The following PARD3B variants were observed in gnomAD, a reference collection of about 807,000 sequenced individuals.
The protein encoded by PARD3B is par-3 family cell polarity regulator beta, also known as partitioning defective 3 homolog B.
PARD3B carries 103 observed loss-of-function variants against 130.2 expected under a neutral mutation model. That is an observed-to-expected ratio of 0.79 (90% CI 0.67 to 0.93). PARD3B has a LOEUF of 0.93. Among genes scored for constraint, PARD3B ranks in the 40% least tolerant of loss-of-function variants. The pLI is 0.00. For synonymous variants in PARD3B, 583 were observed against 553.2 expected (o/e 1.05, Z -0.76); for missense variants, 1,609 against 1,499.2 (o/e 1.07, Z -1.21).
chr2:205,549,379 G>T (rs1054054962), intron 21 of PARD3B, among the ~76,000 whole-genome samples: 1 of 152,108 alleles, frequency 6.6e-6, no homozygotes, highest in African/African-American at 2.4e-5. Flanking sequence ...AAATTTGGAG[G>T]CAACTAAGAT....
chr2:205,515,559 G>A (rs901936648), intron 21 of PARD3B, among the ~76,000 whole-genome samples: 4 of 138,766 alleles, frequency 2.9e-5, no homozygotes, highest in East Asian at 2.3e-4. Context: ...AGATGGTATC[G>A]CGATATTGAG....
chr2:205,502,708 C>G (rs145007072), intron 21 of PARD3B, among the ~76,000 whole-genome samples: 3 of 151,964 alleles, frequency 2.0e-5, no homozygotes, highest in African/African-American at 7.3e-5. Context: ...TCAAAATAGG[C>G]TAGCAAGAAT....
At chr2:204,843,451 G>A (rs904502051) in intron 2 of PARD3B, among the ~76,000 whole-genome samples, 6 of 151,710 alleles carry the variant, frequency 4.0e-5, no homozygotes, top group African/African-American at 1.5e-4. Flanking sequence ...GTACAGTGGC[G>A]TGATCTTGGT....
At chr2:204,965,347 C>G in intron 3 of PARD3B, 24 bp downstream of exon 3, 1 of 1,603,510 alleles carries the variant, frequency 6.2e-7, no homozygotes, top group Non-Finnish European at 8.5e-7. Context: ...TTATGATATT[C>G]TTTTCACCTG....
At chr2:205,285,704 A>G (rs1022271581) in intron 16 of PARD3B, among the ~76,000 whole-genome samples, 2 of 152,012 alleles carry the variant, frequency 1.3e-5, no homozygotes, top group East Asian at 3.9e-4. Context: ...CTCATATTCC[A>G]AGGATCTATT....
At chr2:205,548,789 A>G (rs368531080) in intron 21 of PARD3B, among the ~76,000 whole-genome samples, 17 of 152,166 alleles carry the variant, frequency 1.1e-4, no homozygotes, top group African/African-American at 3.9e-4. Context: ...TTAAAATTAA[A>G]AAATGTTGCT....
chr2:205,151,272 T>G (rs1215050203), intron 10 of PARD3B, among the ~76,000 whole-genome samples: 1 of 152,180 alleles, frequency 6.6e-6, no homozygotes, highest in Admixed American at 6.5e-5. Context: ...TAGATGTCTA[T>G]TAGGTCTGTT....
intron 3 of PARD3B, among the ~76,000 whole-genome samples, chr2:204,984,642 G>T (rs185457891): frequency 6.6e-6 from 1 of 152,048 alleles, no homozygotes; most frequent in African/African-American, 2.4e-5. Context: ...GAAATGGAGC[G>T]GCCCTGGAAT....
At chr2:205,369,799 T>C (rs1355426873) in intron 18 of PARD3B, among the ~76,000 whole-genome samples, 2 of 152,190 alleles carry the variant, frequency 1.3e-5, no homozygotes, top group Non-Finnish European at 2.9e-5. Context: ...CATTCTTACT[T>C]CCTGTACAAA....
intron 18 of PARD3B, among the ~76,000 whole-genome samples, chr2:205,356,537 T>G (rs1319102907): frequency 1.3e-5 from 2 of 152,058 alleles, no homozygotes; most frequent in African/African-American, 4.8e-5. Context: ...TGAGATTATT[T>G]TTTAAATTGA....
At position 205,617,968 on chromosome 2, in the gene PARD3B, G is replaced by A. The variant is rs1267774985; in HGVS notation, c.*2155G>A. On this transcript the variant is annotated 3_prime_UTR_variant, in exon 23 of 23. Transcript: ENST00000406610. ...TTGAGGGGCAGCCAGGGGTGATGGTGTCAGGTGAGAATCCTGTGTCTTGAA... is the reference window on the plus strand; with the variant it reads ...TTGAGGGGCAGCCAGGGGTGATGGTATCAGGTGAGAATCCTGTGTCTTGAA... The A allele has an allele frequency of 1.3e-5, 2 of 152,318 alleles. No individual in the cohort carries two copies. Among genetic ancestry groups the A allele is most frequent in the East Asian group, 3.9e-4 (2 of 5,190 alleles). The allele number at this position is 152,318 out of a possible 1,614,324, so 9.4% of individuals were successfully genotyped here.
At chr2:204,831,584 TA>T (rs1361902742) in intron 2 of PARD3B, among the ~76,000 whole-genome samples, 11 of 152,206 alleles carry the variant, frequency 7.2e-5, no homozygotes, top group Non-Finnish European at 1.3e-4. Flanking sequence ...TGGTTACAGT[TA>T]GAGAGAAACA....
chr2:204,810,442 T>A (rs558310869), intron 2 of PARD3B, among the ~76,000 whole-genome samples: 49 of 152,202 alleles, frequency 3.2e-4, no homozygotes, highest in Middle Eastern at 3.4e-3. Context: ...TTATTGATAG[T>A]TTTTTAACAT....
At chr2:204,590,258 T>G (rs2033017134) in intron 1 of PARD3B, among the ~76,000 whole-genome samples, 1 of 152,130 alleles carries the variant, frequency 6.6e-6, no homozygotes, top group African/African-American at 2.4e-5. Context: ...ATAAGGGCAC[T>G]AATTCCATTA....
At chr2:204,914,990 C>T (rs535145415) in intron 2 of PARD3B, among the ~76,000 whole-genome samples, 1 of 152,176 alleles carries the variant, frequency 6.6e-6, no homozygotes, top group East Asian at 1.9e-4. Context: ...AGAGAGATTC[C>T]CACCTTCGCA....
chr2:204,886,217 T>TG (rs2046266945), intron 2 of PARD3B, among the ~76,000 whole-genome samples: 1 of 152,220 alleles, frequency 6.6e-6, no homozygotes, highest in Non-Finnish European at 1.5e-5. Context: ...ATCTACCGAA[T>TG]GGGATATGAG....
intron 2 of PARD3B, among the ~76,000 whole-genome samples, chr2:204,747,006 C>T (rs2040261261): frequency 6.6e-6 from 1 of 152,122 alleles, no homozygotes; most frequent in African/African-American, 2.4e-5. Context: ...TCAATTTTGG[C>T]TTTTGTTGCC....
intron 15 of PARD3B, among the ~76,000 whole-genome samples, chr2:205,203,609 C>T (rs1189856109): frequency 6.6e-6 from 1 of 152,078 alleles, no homozygotes; most frequent in African/African-American, 2.4e-5. Context: ...CCTATGCTCC[C>T]ACCCCCCAAC....
chr2:204,766,317 T>G (rs2041145815), intron 2 of PARD3B, among the ~76,000 whole-genome samples: 1 of 152,170 alleles, frequency 6.6e-6, no homozygotes, highest in Admixed American at 6.5e-5. Flanking sequence ...TTAAAAATAT[T>G]TAATATTCTC....
Sources: gnomAD v4.1 joint callset for allele counts (sites outside exome capture counted in the v4.1 genomes callset) on GRCh38, gnomAD v4.1.1 for gene constraint, MANE v1.5 for transcripts, NCBI Gene and HGNC (gene_info 2026-07-23, HGNC 2026-07-21) for gene names.